FSTL4: variants seen among roughly 807,000 people sequenced by gnomAD.
FSTL4 encodes follistatin like 4.
A neutral mutation model predicts 78.2 loss-of-function variants in FSTL4; 28 were observed. That is an observed-to-expected ratio of 0.36 (90% confidence interval 0.27 to 0.49). FSTL4 has a LOEUF of 0.49. Among genes scored for constraint, FSTL4 ranks in the 20% least tolerant of loss-of-function variants. FSTL4 has a pLI of 0.98. For synonymous variants in FSTL4, 422 were observed against 440.5 expected, an observed-to-expected ratio of 0.96 and a Z score of 0.53; for missense variants, 922 against 1,084.9, an observed-to-expected ratio of 0.85 and a Z score of 2.11.
chr5:133,594,674 T>C (rs1760705793), intron 2 of FSTL4, among the ~76,000 whole-genome samples: 1 of 152,202 alleles, frequency 6.6e-6, no homozygotes, highest in Non-Finnish European at 1.5e-5. Context: ...GAAAGCCTAC[T>C]TACCTGGAAT....
At chr5:133,304,251 T>C (rs1234852133) in intron 6 of FSTL4, among the ~76,000 whole-genome samples, 1 of 152,240 alleles carries the variant, frequency 6.6e-6, no homozygotes, top group Non-Finnish European at 1.5e-5. Context: ...ATCTTTGTAA[T>C]GAAATTCTTT....
intron 2 of FSTL4, among the ~76,000 whole-genome samples, chr5:133,585,146 AG>A (rs1760506079): frequency 2.2e-5 from 2 of 91,422 alleles, no homozygotes; most frequent in Admixed American, 2.5e-4. Context: ...AAACCTGGAA[AG>A]GAACAACCAG....
At chr5:133,725,594 T>C in the FSTL4 span, among the ~76,000 whole-genome samples, 23 of 152,312 alleles carry the variant, frequency 1.5e-4, no homozygotes, top group African/African-American at 5.1e-4. Flanking sequence ...CTGGGTGAGT[T>C]GACCTGGACC....
the FSTL4 span, among the ~76,000 whole-genome samples, chr5:133,800,856 G>A: frequency 6.6e-6 from 1 of 152,062 alleles, no homozygotes; most frequent in African/African-American, 2.4e-5. Flanking sequence ...CTTTTAAAAG[G>A]CTGTCATGGC....
At chr5:133,396,260 C>T (rs949766137) in intron 4 of FSTL4, among the ~76,000 whole-genome samples, 4 of 152,226 alleles carry the variant, frequency 2.6e-5, no homozygotes, top group African/African-American at 9.7e-5. Context: ...GAGAAGAATG[C>T]TCACTGCATG....
upstream of FSTL4, among the ~76,000 whole-genome samples, chr5:133,616,921 A>G (rs927784428): frequency 2.0e-5 from 3 of 152,092 alleles, no homozygotes; most frequent in Non-Finnish European, 2.9e-5. Flanking sequence ...CTTCCTAGCA[A>G]GAGTGGCCCT....
At chr5:133,219,710 G>T (rs1258657425) in intron 12 of FSTL4, among the ~76,000 whole-genome samples, 1 of 152,218 alleles carries the variant, frequency 6.6e-6, no homozygotes, top group African/African-American at 2.4e-5. Context: ...ACCTCTCTGT[G>T]TCTTGTGTCT....
the FSTL4 span, among the ~76,000 whole-genome samples, chr5:133,714,527 C>G: frequency 6.6e-6 from 1 of 152,306 alleles, no homozygotes; most frequent in South Asian, 2.1e-4. Flanking sequence ...CAAAAATACT[C>G]GATGCCTCTT....
intron 2 of FSTL4, among the ~76,000 whole-genome samples, chr5:133,599,106 T>C (rs752781530): frequency 6.6e-6 from 1 of 151,936 alleles, no homozygotes; most frequent in African/African-American, 2.4e-5. Context: ...GAAAGGGTGG[T>C]TGGGGGTGAG....
At chr5:133,286,824 G>A (rs970937811) in intron 6 of FSTL4, among the ~76,000 whole-genome samples, 4 of 152,186 alleles carry the variant, frequency 2.6e-5, no homozygotes, top group African/African-American at 9.7e-5. Flanking sequence ...GTCTGTGAGC[G>A]TCTGGAAGTT....
intron 4 of FSTL4, among the ~76,000 whole-genome samples, chr5:133,365,176 A>G (rs1167573265): frequency 6.6e-6 from 1 of 151,986 alleles, no homozygotes; most frequent in Admixed American, 6.5e-5. Context: ...TTGAGTTTTG[A>G]CTGTTGTTGC....
At chr5:133,695,450 C>T in the FSTL4 span, among the ~76,000 whole-genome samples, 2 of 152,164 alleles carry the variant, frequency 1.3e-5, no homozygotes, top group African/African-American at 2.4e-5. Flanking sequence ...CAAGCAGAAC[C>T]TTTATTCCCC....
chr5:133,474,536 T>G (rs1580732314), intron 3 of FSTL4, among the ~76,000 whole-genome samples: 1 of 152,200 alleles, frequency 6.6e-6, no homozygotes, highest in African/African-American at 2.4e-5. Flanking sequence ...ATTAAAGGCA[T>G]TCTGTGCTCA....
At chr5:133,530,997 G>A (rs1759239475) in intron 3 of FSTL4, among the ~76,000 whole-genome samples, 1 of 152,150 alleles carries the variant, frequency 6.6e-6, no homozygotes, top group African/African-American at 2.4e-5. Flanking sequence ...ACTGGACATG[G>A]GCCAGACTCA....
In FSTL4 at chr5:133,400,722, A is replaced by G; in HGVS notation, c.409+16T>C. On this transcript the variant is annotated intron_variant, in intron 4 of 15. Transcript: ENST00000265342. Reference sequence around the variant, plus strand: ...TCACAAAACCCAAAACCACAGGGCAAGGGCCCTGTTCCTACCTTTGAGGAA... The same window carrying G: ...TCACAAAACCCAAAACCACAGGGCAGGGGCCCTGTTCCTACCTTTGAGGAA... 1 of 1,609,038 alleles carries G rather than the reference A, an allele frequency of 6.2e-7. No individual in the cohort carries two copies. The highest frequency in any genetic ancestry group is 8.5e-7 in the Non-Finnish European group (1 of 1,175,792).
chr5:133,249,296 A>AAC (rs1361610049), intron 7 of FSTL4, 114 bp downstream of exon 7: 15 of 824,792 alleles, frequency 1.8e-5, no homozygotes, highest in Admixed American at 1.8e-4. Context: ...AAAAGCACCA[A>AAC]ACACAGGATG....
chr5:133,620,178 T>A, the FSTL4 span, among the ~76,000 whole-genome samples: 1 of 152,350 alleles, frequency 6.6e-6, no homozygotes, highest in African/African-American at 2.4e-5. Flanking sequence ...CTTTCAAGAA[T>A]TGGTGCCTAA....
chr5:133,693,424 C>T, the FSTL4 span, among the ~76,000 whole-genome samples: 1 of 152,152 alleles, frequency 6.6e-6, no homozygotes, highest in East Asian at 1.9e-4. Context: ...TTACAATACC[C>T]TATGCATCTC....
chr5:133,468,206 C>G (rs1175322714), intron 3 of FSTL4, among the ~76,000 whole-genome samples: 1 of 151,966 alleles, frequency 6.6e-6, no homozygotes, highest in Non-Finnish European at 1.5e-5. Flanking sequence ...GGCCTGCCCA[C>G]CCAGCACAGG....
Sources: gnomAD v4.1 joint callset for allele counts (sites outside exome capture counted in the v4.1 genomes callset) on GRCh38, gnomAD v4.1.1 for gene constraint, MANE v1.5 for transcripts, NCBI Gene and HGNC (gene_info 2026-07-23, HGNC 2026-07-21) for gene names.